PLCB1: variants seen among roughly 807,000 people sequenced by gnomAD.
The protein encoded by PLCB1 is phospholipase C beta 1, also known as 1-phosphatidylinositol 4,5-bisphosphate phosphodiesterase beta-1.
Under a neutral mutation model 161.8 loss-of-function variants are expected in PLCB1, and 46 were observed. The ratio of observed to expected loss-of-function variants is 0.28; its 90% CI spans 0.22 to 0.36. The LOEUF is 0.36. Among genes scored for constraint, PLCB1 ranks in the 10% least tolerant of loss-of-function variants. The pLI is 1.00. For missense variants in PLCB1, 1,016 were observed against 1,472.5 expected, an observed-to-expected ratio of 0.69 and a Z score of 5.07; for synonymous variants, 517 against 503.7, an observed-to-expected ratio of 1.03 and a Z score of -0.35.
intron 3 of PLCB1, among the ~76,000 whole-genome samples, chr20:8,389,997 T>C (rs573337282): frequency 1.3e-5 from 2 of 152,188 alleles, no homozygotes; most frequent in Non-Finnish European, 2.9e-5. Context: ...CAGAAAAGCA[T>C]TGAGAATTTT....
chr20:8,373,604 ATTTGCAGCAAAATTTGAGCACCACTGCC>A (rs1163273593), intron 3 of PLCB1, among the ~76,000 whole-genome samples: 6 of 152,200 alleles, frequency 3.9e-5, no homozygotes, highest in Non-Finnish European at 8.8e-5. Flanking sequence ...TGAAAAACAA[ATTTGCAGCAAAATTTGAGCACCACTGCC>A]TTAACTTACT....
At chr20:8,690,471 TG>T (rs1420069936) in intron 10 of PLCB1, among the ~76,000 whole-genome samples, 1 of 152,094 alleles carries the variant, frequency 6.6e-6, no homozygotes, top group Non-Finnish European at 1.5e-5. Context: ...AGAAATGACA[TG>T]GGAGTCAAAG....
chr20:8,449,153 C>T (rs925429263), intron 3 of PLCB1, among the ~76,000 whole-genome samples: 36 of 152,130 alleles, frequency 2.4e-4, no homozygotes, highest in African/African-American at 8.7e-4. Flanking sequence ...ATAAAAACAA[C>T]TTATACTTAT....
chr20:8,265,671 G>T (rs1447707222), intron 2 of PLCB1, among the ~76,000 whole-genome samples: 1 of 152,164 alleles, frequency 6.6e-6, no homozygotes. Flanking sequence ...TTCCAGAATG[G>T]TGGAACATAA....
chr20:8,711,633 C>T (rs1321420234), intron 12 of PLCB1, among the ~76,000 whole-genome samples: 1 of 152,284 alleles, frequency 6.6e-6, no homozygotes, highest in South Asian at 2.1e-4. Flanking sequence ...TTGCTTGCTT[C>T]ATATTTCCCT....
At chr20:8,814,576 C>CGTGTGTGT (rs1491457369) in intron 31 of PLCB1, among the ~76,000 whole-genome samples, 2 of 72,404 alleles carry the variant, frequency 2.8e-5, no homozygotes, top group African/African-American at 6.3e-5. Context: ...TATGTACTTG[C>CGTGTGTGT]ATGTGTGTGT....
At chr20:8,409,364 G>T (rs963880384) in intron 3 of PLCB1, among the ~76,000 whole-genome samples, 1 of 152,040 alleles carries the variant, frequency 6.6e-6, no homozygotes, top group Admixed American at 6.6e-5. Context: ...GCAATCAGGG[G>T]TCTGCAGATA....
At chr20:8,137,957 C>T (rs541216520) in intron 1 of PLCB1, among the ~76,000 whole-genome samples, 15 of 152,286 alleles carry the variant, frequency 9.8e-5, no homozygotes, top group African/African-American at 3.4e-4. Context: ...TTTAGATGGC[C>T]ATTGATTGGG....
intron 3 of PLCB1, among the ~76,000 whole-genome samples, chr20:8,626,248 A>G (rs552778414): frequency 2.0e-5 from 3 of 152,140 alleles, no homozygotes; most frequent in Non-Finnish European, 2.9e-5. Flanking sequence ...CAAAGATTTC[A>G]GAGAGTTGGT....
intron 3 of PLCB1, among the ~76,000 whole-genome samples, chr20:8,410,364 T>C (rs1431748370): frequency 6.6e-6 from 1 of 152,228 alleles, no homozygotes. Flanking sequence ...GTTGCCCTAA[T>C]CTACATTCCT....
intron 2 of PLCB1, among the ~76,000 whole-genome samples, chr20:8,219,973 C>T (rs1469257282): frequency 6.6e-6 from 1 of 152,038 alleles, no homozygotes; most frequent in South Asian, 2.1e-4. Context: ...TATCTTTGTG[C>T]TCTTGTTAAC....
chr20:8,567,920 A>T (rs1188253418), intron 3 of PLCB1, among the ~76,000 whole-genome samples: 1 of 152,210 alleles, frequency 6.6e-6, no homozygotes, highest in African/African-American at 2.4e-5. Context: ...CTTTAAAGGG[A>T]ATCTATTATC....
chr20:8,741,386 A>G, intron 22 of PLCB1, 78 bp from the exon 23 acceptor site: 1 of 931,432 alleles, frequency 1.1e-6, no homozygotes, highest in Non-Finnish European at 1.7e-6. Flanking sequence ...TGATGGTCAG[A>G]TAGATGAGTA....
At chr20:8,690,560 A>G (rs1212235445) in intron 10 of PLCB1, among the ~76,000 whole-genome samples, 1 of 152,174 alleles carries the variant, frequency 6.6e-6, no homozygotes, top group Non-Finnish European at 1.5e-5. Flanking sequence ...GGGTGGCAGT[A>G]GTTGGTCCAT....
chr20:8,656,145 T>A (rs1989452012), intron 7 of PLCB1, among the ~76,000 whole-genome samples: 1 of 152,084 alleles, frequency 6.6e-6, no homozygotes, highest in Non-Finnish European at 1.5e-5. Flanking sequence ...TAATGATTCA[T>A]GTATTGTTCG....
At chr20:8,685,429 T>C (rs577352157) in intron 10 of PLCB1, among the ~76,000 whole-genome samples, 1 of 152,130 alleles carries the variant, frequency 6.6e-6, no homozygotes, top group East Asian at 1.9e-4. Context: ...TTCATCTACA[T>C]GACAGCTCCG....
intron 3 of PLCB1, among the ~76,000 whole-genome samples, chr20:8,541,486 A>G (rs1477382172): frequency 1.3e-5 from 2 of 151,994 alleles, no homozygotes; most frequent in Non-Finnish European, 2.9e-5. Context: ...GGTTCTCCAA[A>G]TCTCACAAAC....
chr20:8,713,112 C>T (rs987442618), intron 12 of PLCB1, among the ~76,000 whole-genome samples: 2 of 152,122 alleles, frequency 1.3e-5, no homozygotes, highest in Non-Finnish European at 2.9e-5. Flanking sequence ...TACCAAATAG[C>T]TCATTTTACT....
In PLCB1 at chr20:8,757,144, A is replaced by G; in HGVS notation, c.2622A>G (p.Pro874=). The change falls in exon 24 of 32, where the codon CCA becomes CCG. Residue 874 remains proline, a synonymous_variant. Coordinates refer to ENST00000338037, the MANE Select transcript of PLCB1 (RefSeq NM_015192.4). ...ACACTACAACCCTGACACCCAAGCC[A>G]CCCTCCCAGGCTCTCCACAGCCAGC... The part of the protein sequence containing the change: ...VNHTTTLTPK[P]PSQALHSQPA... 2 of 1,612,714 alleles carry G rather than the reference A, an allele frequency of 1.2e-6. No homozygotes were observed. Among genetic ancestry groups the G allele is most frequent in the Non-Finnish European group, 1.7e-6 (2 of 1,179,158 alleles).
Sources: allele counts gnomAD v4.1 joint callset (sites outside exome capture counted in the v4.1 genomes callset), GRCh38; gene constraint gnomAD v4.1.1; transcripts MANE v1.5; gene names NCBI Gene and HGNC (gene_info 2026-07-23, HGNC 2026-07-21).